Variants in ABCA1 observed in about 807,000 individuals in gnomAD.
ABCA1 encodes the protein ATP binding cassette subfamily A member 1, also known as phospholipid-transporting ATPase ABCA1.
Under a neutral mutation model 262.5 loss-of-function variants are expected in ABCA1, and 133 were observed. The observed-to-expected ratio is 0.51, with a 90% CI of 0.44 to 0.59. The LOEUF (loss-of-function observed/expected upper bound fraction) is 0.59, where lower values mean the gene tolerates loss of function less well. ABCA1 is among the 20% of genes least tolerant of loss of function. ABCA1 has a pLI of 0.00. For missense variants in ABCA1, 2,452 were observed against 2,777.5 expected (o/e 0.88, Z 2.63); for synonymous variants, 1,022 against 1,043.5 (o/e 0.98, Z 0.40).
At chr9:104,820,100 C>G (rs769243353) in intron 20 of ABCA1, 31 bp from the exon 21 acceptor site, 30 of 1,613,836 alleles carry the variant, frequency 1.9e-5, no homozygotes, top group Non-Finnish European at 2.5e-5. Flanking sequence ...CAGCTCTGGG[C>G]CCTACTGGAT....
At chr9:104,909,472 G>C (rs187510388) in intron 1 of ABCA1, among the ~76,000 whole-genome samples, 43 of 152,286 alleles carry the variant, frequency 2.8e-4, no homozygotes, top group African/African-American at 9.6e-4. Context: ...AATGAACTGA[G>C]AGAGTGGACC....
At chr9:104,866,485 CTTTT>C (rs1384378087) in intron 5 of ABCA1, among the ~76,000 whole-genome samples, 1 of 144,940 alleles carries the variant, frequency 6.9e-6, no homozygotes, top group Non-Finnish European at 1.5e-5. Context: ...TTTTTTGTGA[CTTTT>C]TTTTTTTTTA....
chr9:104,884,716 C>A, intron 3 of ABCA1, 148 bp from the exon 4 acceptor site: 2 of 966,686 alleles, frequency 2.1e-6, no homozygotes, highest in Non-Finnish European at 3.2e-6. Flanking sequence ...ATAAAACTGA[C>A]TCTCAGGTGG....
At chr9:104,850,585 A>C (rs185257541) in intron 7 of ABCA1, among the ~76,000 whole-genome samples, 1 of 152,264 alleles carries the variant, frequency 6.6e-6, no homozygotes. Context: ...GATCTAACAG[A>C]CAGATAACTT....
chr9:104,781,092 T>A lies in ABCA1; in HGVS notation c.*3223A>T, dbSNP rs967996995. 1.3e-5 allele frequency: 2 copies of A among 152,670 alleles called. No individual in the cohort carries two copies. The highest frequency in any genetic ancestry group is 4.8e-5 in the African/African-American group (2 of 41,468). The allele number at this position is 152,670 out of a possible 1,614,324, so 9.5% of individuals were successfully genotyped here. A position where few individuals can be genotyped will look rare whatever the true frequency, so the allele number is the denominator to read the frequency against. On this transcript the variant is annotated 3_prime_UTR_variant, in exon 50 of 50. Transcript: ENST00000374736. ...ATGCATTTTAATACTTCATATAAAG[T>A]TATTGACATACAAAATTTTTTTTCT...
At chr9:104,833,122 A>G (rs1274194004) in intron 11 of ABCA1, among the ~76,000 whole-genome samples, 1 of 152,234 alleles carries the variant, frequency 6.6e-6, no homozygotes, top group African/African-American at 2.4e-5. Context: ...TATGTTGAAT[A>G]GTGTATATGC....
chr9:104,882,771 C>A (rs991370321), intron 5 of ABCA1, among the ~76,000 whole-genome samples: 14 of 152,360 alleles, frequency 9.2e-5, no homozygotes, highest in African/African-American at 3.4e-4. Context: ...CCCTAGCTGT[C>A]CCTAAGGCCA....
intron 48 of ABCA1, 112 bp downstream of exon 48, chr9:104,786,185 GT>G: frequency 1.1e-6 from 1 of 899,016 alleles, no homozygotes; most frequent in Non-Finnish European, 1.8e-6. Flanking sequence ...CCACTATACT[GT>G]TTTGCTCAGT....
At chr9:104,885,620 G>A (rs903029742) in intron 3 of ABCA1, among the ~76,000 whole-genome samples, 1 of 152,130 alleles carries the variant, frequency 6.6e-6, no homozygotes, top group African/African-American at 2.4e-5. Context: ...CTTACAATGA[G>A]CTTCTTACCA....
At chr9:104,819,844 C>A in intron 21 of ABCA1, 83 bp downstream of exon 21, 1 of 1,609,150 alleles carries the variant, frequency 6.2e-7, no homozygotes, top group East Asian at 2.2e-5. Context: ...GCCTGGGACC[C>A]TGGGGCAGTG....
chr9:104,918,921 T>A (rs1841986269), intron 1 of ABCA1, among the ~76,000 whole-genome samples: 1 of 152,218 alleles, frequency 6.6e-6, no homozygotes, highest in Non-Finnish European at 1.5e-5. Flanking sequence ...TTGACTCTTG[T>A]GAAAAACAAT....
intron 5 of ABCA1, among the ~76,000 whole-genome samples, chr9:104,864,981 C>T (rs935805977): frequency 6.6e-5 from 10 of 152,220 alleles, no homozygotes; most frequent in Admixed American, 3.3e-4. Context: ...TGGCTGTGCA[C>T]GTGCATGGTG....
intron 27 of ABCA1, among the ~76,000 whole-genome samples, chr9:104,813,605 G>T (rs1232955105): frequency 2.6e-5 from 4 of 152,114 alleles, no homozygotes; most frequent in Non-Finnish European, 5.9e-5. Flanking sequence ...TAGAGACGGG[G>T]TTTCACCTTG....
intron 30 of ABCA1, among the ~76,000 whole-genome samples, 191 bp from the exon 31 acceptor site, chr9:104,806,621 T>A (rs1335238494): frequency 5.9e-5 from 9 of 152,210 alleles, no homozygotes; most frequent in Admixed American, 5.9e-4. Context: ...ATCATTTATA[T>A]CATCATTATG....
At chr9:104,828,440 A>G (rs537956862) in intron 15 of ABCA1, among the ~76,000 whole-genome samples, 1 of 152,340 alleles carries the variant, frequency 6.6e-6, no homozygotes, top group East Asian at 1.9e-4. Flanking sequence ...TGCATCTTCC[A>G]TATCTCTTCC....
chr9:104,866,856 C>T (rs1837141612), intron 5 of ABCA1, among the ~76,000 whole-genome samples: 1 of 152,162 alleles, frequency 6.6e-6, no homozygotes, highest in African/African-American at 2.4e-5. Flanking sequence ...GCTGCAGTCA[C>T]CCATGTAAAT....
chr9:104,814,392 A>C, intron 26 of ABCA1, 35 bp downstream of exon 26: 1 of 1,607,022 alleles, frequency 6.2e-7, no homozygotes, highest in Non-Finnish European at 8.5e-7. Context: ...AGAAGGCACT[A>C]TCTTAAGTGT....
chr9:104,908,486 G>A (rs563745390), intron 1 of ABCA1, among the ~76,000 whole-genome samples: 2 of 152,184 alleles, frequency 1.3e-5, no homozygotes, highest in Non-Finnish European at 2.9e-5. Context: ...GGCCAACATG[G>A]TGAAACCCCA....
chr9:104,914,839 A>T (rs1284586123), intron 1 of ABCA1, among the ~76,000 whole-genome samples: 3 of 152,222 alleles, frequency 2.0e-5, no homozygotes, highest in Non-Finnish European at 4.4e-5. Context: ...ACATAAGTTC[A>T]AGCAGGAGTG....
Sources: gnomAD v4.1 joint callset for allele counts (sites outside exome capture counted in the v4.1 genomes callset) on GRCh38, gnomAD v4.1.1 for gene constraint, MANE v1.5 for transcripts, NCBI Gene and HGNC (gene_info 2026-07-23, HGNC 2026-07-21) for gene names.